The following NFIC variants were observed in gnomAD, a reference collection of about 807,000 sequenced individuals.
NFIC encodes the protein nuclear factor I C.
A neutral mutation model predicts 54.4 loss-of-function variants in NFIC; 12 were observed. The ratio of observed to expected loss-of-function variants is 0.22; its 90% confidence interval spans 0.14 to 0.36. The LOEUF is 0.36. NFIC is among the 10% of genes least tolerant of loss of function. The probability of loss-of-function intolerance (pLI) is 1.00; values close to 1 mark genes in which losing one functional copy is unlikely to be tolerated. For missense variants in NFIC, 575 were observed against 718.2 expected (o/e 0.80, Z 2.28); for synonymous variants, 322 against 319.2 (o/e 1.01, Z -0.09).
In NFIC at chr19:3,453,220, C is replaced by T. The variant is rs370263762; in HGVS notation, c.1270-543C>T. 1.3e-5 allele frequency among the ~76,000 whole-genome samples: 2 copies of T among 152,096 alleles called. No individual in the cohort carries two copies. The highest frequency in any genetic ancestry group is 3.9e-4 in the East Asian group (2 of 5,166). On this transcript the variant is annotated intron_variant, in intron 8 of 10. Coordinates refer to ENST00000443272, the MANE Select transcript of NFIC (RefSeq NM_001245002.2). The surrounding 1 kb of genome is among the most constrained non-coding windows in gnomAD (Gnocchi z 6.7). Reference sequence around the variant, plus strand: ...TGCCACTGCACCCCAGCCTGGGTGACAGAACGAGACCCTGTCTCAAAAAGA... The same window carrying T: ...TGCCACTGCACCCCAGCCTGGGTGATAGAACGAGACCCTGTCTCAAAAAGA...
At chr19:3,421,775 A>G (rs6510749) in intron 2 of NFIC, among the ~76,000 whole-genome samples, 138,094 of 152,226 alleles carry the variant, frequency 0.91, 62,724 homozygotes, top group Non-Finnish European at 0.93. Context: ...AACCCTGAGA[A>G]TGGTCTCCAT....
upstream of NFIC, among the ~76,000 whole-genome samples, chr19:3,364,788 G>A (rs1445064496): frequency 6.6e-6 from 1 of 152,192 alleles, no homozygotes; most frequent in Non-Finnish European, 1.5e-5. Context: ...GGGTCTGGAA[G>A]TCTAGGAGGA....
chr19:3,382,770 G>T (rs1042413568), intron 2 of NFIC, among the ~76,000 whole-genome samples: 6 of 150,326 alleles, frequency 4.0e-5, no homozygotes, highest in Non-Finnish European at 1.5e-5. Context: ...TGGTCTGAGG[G>T]GGGAGGCAGG....
At chr19:3,414,828 G>GT (rs2081826159) in intron 2 of NFIC, among the ~76,000 whole-genome samples, 1 of 150,908 alleles carries the variant, frequency 6.6e-6, no homozygotes. Flanking sequence ...TTGTTTTTTT[G>GT]TTTTTTGTTT....
At chr19:3,366,544 G>T (rs1298104998), upstream of NFIC, 26 of 580,910 alleles carry the variant, frequency 4.5e-5, no homozygotes, top group Admixed American at 2.0e-4. Flanking sequence ...CGGGGGGGGG[G>T]GTTGGGGGGG....
intron 7 of NFIC, among the ~76,000 whole-genome samples, chr19:3,449,876 G>A (rs563406174): frequency 1.3e-5 from 2 of 152,004 alleles, no homozygotes; most frequent in South Asian, 4.2e-4. Flanking sequence ...CCAACATGGT[G>A]AAACCCCTTG....
intron 2 of NFIC, among the ~76,000 whole-genome samples, chr19:3,419,453 G>A (rs960492209): frequency 2.6e-5 from 4 of 151,834 alleles, no homozygotes; most frequent in Non-Finnish European, 4.4e-5. Flanking sequence ...CAGCCTGGGT[G>A]ACAGAGCAAG....
intron 2 of NFIC, among the ~76,000 whole-genome samples, chr19:3,384,226 T>A (rs1282107216): frequency 6.7e-6 from 1 of 149,968 alleles, no homozygotes; most frequent in Non-Finnish European, 1.5e-5. Flanking sequence ...AGCTAATATT[T>A]TATATATATA....
chr19:3,387,294 G>A lies in NFIC; in HGVS notation c.562+5051G>A, dbSNP rs1422521023. 2.6e-5 allele frequency among the ~76,000 whole-genome samples: 4 copies of A among 152,344 alleles called. No individual in the cohort carries two copies. The South Asian group carries it at 8.3e-4, about 32-fold the overall frequency. The stretch of plus-strand genomic sequence containing the variant: ...AGGCAGGCGGATCACCTGAGGTCAG[G>A]AGTTTGAGGCCAGCCTGGCCAACAT... On this transcript the variant is annotated intron_variant, in intron 2 of 10. Coordinates refer to ENST00000443272, the MANE Select transcript of NFIC (RefSeq NM_001245002.2).
chr19:3,452,781 T>A lies in NFIC; in HGVS notation c.1269+115T>A. 7.9e-7 allele frequency: 1 copy of A among 1,263,214 alleles called. No homozygotes were observed. The highest frequency in any genetic ancestry group is 1.1e-6 in the Non-Finnish European group (1 of 923,740). 78.3% of individuals were successfully genotyped at this position (1,263,214 alleles called of 1,614,324 possible). A position where few individuals can be genotyped will look rare whatever the true frequency, so the allele number is the denominator to read the frequency against. On this transcript the variant is annotated intron_variant, in intron 8 of 10. Coordinates refer to ENST00000443272, the MANE Select transcript of NFIC (RefSeq NM_001245002.2). This position sits in a 1 kb window ranked among gnomAD's most constrained non-coding sequence, Gnocchi z 5.3. ...CTTAAAAGGGTCTTGAGGACTTGGCTCTGAAGTCCCCTCCTCTGTCGTGCT... is the reference window on the plus strand; with the variant it reads ...CTTAAAAGGGTCTTGAGGACTTGGCACTGAAGTCCCCTCCTCTGTCGTGCT...
intron 2 of NFIC, among the ~76,000 whole-genome samples, chr19:3,396,240 G>A (rs543693440): frequency 3.3e-5 from 5 of 152,228 alleles, no homozygotes; most frequent in African/African-American, 1.2e-4. Flanking sequence ...GGGAGGCTGA[G>A]GTATGCGGAT....
intron 1 of NFIC, among the ~76,000 whole-genome samples, chr19:3,360,876 G>A (rs2080802195): frequency 6.6e-6 from 1 of 152,220 alleles, no homozygotes; most frequent in Non-Finnish European, 1.5e-5. Flanking sequence ...GAACTGTCGA[G>A]TGGCCGCGTT....
chr19:3,425,498 C>T (rs1051957744), intron 3 of NFIC, among the ~76,000 whole-genome samples: 1 of 152,178 alleles, frequency 6.6e-6, no homozygotes, highest in Non-Finnish European at 1.5e-5. Flanking sequence ...CTCGCTCTGT[C>T]ATCCAGGCTG....
Position 3,452,720 on chromosome 19 carries a change from C to G in NFIC, c.1269+54C>G. ...CTCCTGGCGGCTCCAGGTGACCTCC[C>G]GGGGGCCACGTGCTCACACGAAGGC... is the stretch of plus-strand genomic sequence containing the variant. On this transcript the variant is annotated intron_variant, in intron 8 of 10. Transcript: ENST00000443272. The surrounding 1 kb of genome is among the most constrained non-coding windows in gnomAD (Gnocchi z 5.3). 1 of 1,531,358 alleles carries G rather than the reference C, an allele frequency of 6.5e-7. No homozygotes were observed. The highest frequency in any genetic ancestry group is 2.0e-5 in the Admixed American group (1 of 50,992). The allele number at this position is 1,531,358 out of a possible 1,614,324, so 94.9% of individuals were successfully genotyped here.
intron 2 of NFIC, among the ~76,000 whole-genome samples, chr19:3,404,588 TCCCCCCAC>T (rs2081613440): frequency 1.3e-5 from 2 of 150,190 alleles, no homozygotes; most frequent in Admixed American, 1.3e-4. Context: ...TCTCCTGGTG[TCCCCCCAC>T]CCCCACCCCA....
At chr19:3,401,790 C>T (rs1418994122) in intron 2 of NFIC, among the ~76,000 whole-genome samples, 1 of 151,748 alleles carries the variant, frequency 6.6e-6, no homozygotes, top group Non-Finnish European at 1.5e-5. Context: ...GGTGCGATCT[C>T]AGCTCACTAC....
intron 2 of NFIC, among the ~76,000 whole-genome samples, chr19:3,394,580 G>C (rs2081432822): frequency 8.0e-6 from 1 of 125,786 alleles, no homozygotes; most frequent in Non-Finnish European, 1.6e-5. Flanking sequence ...TCAAGCACTG[G>C]ATGTCACACG....
upstream of NFIC, among the ~76,000 whole-genome samples, chr19:3,363,242 T>TGTGC (rs1491197799): frequency 5.4e-4 from 33 of 61,198 alleles, 1 homozygote; most frequent in South Asian, 1.4e-3. Flanking sequence ...TATGTGTGTG[T>TGTGC]ATATATATAT....
chr19:3,408,800 C>T (rs2081699842), intron 2 of NFIC, among the ~76,000 whole-genome samples: 1 of 152,124 alleles, frequency 6.6e-6, no homozygotes, highest in Non-Finnish European at 1.5e-5. Flanking sequence ...CAAGGTTTCA[C>T]CATGTTGACC....
Sources: allele counts gnomAD v4.1 joint callset (sites outside exome capture counted in the v4.1 genomes callset), GRCh38; gene constraint gnomAD v4.1.1; non-coding constraint Gnocchi (gnomAD v3.1); transcripts MANE v1.5; gene names NCBI Gene and HGNC (gene_info 2026-07-23, HGNC 2026-07-21).